The following ACYP2 variants were observed in gnomAD, a reference collection of about 807,000 sequenced individuals.
ACYP2 encodes acylphosphatase 2, also known as acylphosphatase-2.
Under a neutral mutation model 11.2 loss-of-function variants are expected in ACYP2, and 12 were observed. The observed-to-expected ratio is 1.08, with a 90% CI of 0.69 to 1.74. The LOEUF is 1.74. ACYP2 is among the 40% of genes most tolerant of loss of function. The probability of loss-of-function intolerance (pLI) is 0.00; values close to 1 mark genes in which losing one functional copy is unlikely to be tolerated. For missense variants in ACYP2, 134 were observed against 101.9 expected (o/e 1.31, Z -1.35); for synonymous variants, 43 against 32.2 (o/e 1.33, Z -1.13).
intron 3 of ACYP2, among the ~76,000 whole-genome samples, chr2:54,056,736 A>G (rs1027102403): frequency 1.1e-4 from 17 of 152,118 alleles, no homozygotes; most frequent in African/African-American, 3.4e-4. Flanking sequence ...CATGTTGTGT[A>G]TGTCATCTGT....
chr2:54,228,606 G>A (rs1686104336), intron 6 of ACYP2, among the ~76,000 whole-genome samples: 1 of 151,996 alleles, frequency 6.6e-6, no homozygotes, highest in Admixed American at 6.6e-5. Context: ...TTCATCAGTT[G>A]GTGTTAATGG....
At chr2:53,992,865 A>G (rs1672372040) in intron 2 of ACYP2, among the ~76,000 whole-genome samples, 1 of 151,826 alleles carries the variant, frequency 6.6e-6, no homozygotes, top group Admixed American at 6.6e-5. Flanking sequence ...AGTGACGGGA[A>G]GCAAAAGAAG....
intron 6 of ACYP2, among the ~76,000 whole-genome samples, chr2:54,236,642 A>T (rs1463447634): frequency 1.3e-5 from 2 of 152,194 alleles, no homozygotes; most frequent in Admixed American, 1.3e-4. Flanking sequence ...ATTTGAAGCC[A>T]ATGTGTATAT....
At chr2:53,992,913 G>A (rs1250582352) in intron 2 of ACYP2, among the ~76,000 whole-genome samples, 1 of 151,358 alleles carries the variant, frequency 6.6e-6, no homozygotes, top group Non-Finnish European at 1.5e-5. Context: ...CAGAAAAAAG[G>A]TTTTATGGCC....
In ACYP2 at chr2:54,200,349, T is replaced by G. The variant is rs150435639; in HGVS notation, c.404+61601T>G. 4.5e-4 allele frequency among the ~76,000 whole-genome samples: 69 copies of G among 152,278 alleles called. 1 individual carries two copies. The highest frequency in any genetic ancestry group is 1.6e-3 in the African/African-American group (68 of 41,558). ...TCATATACAAGGCTACTGTGAAGAT[T>G]AAATGAGATTATAGAGGAAATCCAA... On this transcript the variant is annotated intron_variant, in intron 6 of 6. Transcript: ENST00000607452.
chr2:54,215,020 T>G (rs1685499032), intron 6 of ACYP2, among the ~76,000 whole-genome samples: 1 of 152,196 alleles, frequency 6.6e-6, no homozygotes, highest in East Asian at 1.9e-4. Context: ...CTACTATGAA[T>G]AGAACTGCAA....
At chr2:54,292,669 T>TACACAC (rs3071218) in intron 6 of ACYP2, among the ~76,000 whole-genome samples, 6 of 148,976 alleles carry the variant, frequency 4.0e-5, no homozygotes, top group Non-Finnish European at 8.9e-5. Flanking sequence ...TATATATGTA[T>TACACAC]ACACACACAC....
intron 1 of ACYP2, chr2:53,971,363 T>A (rs1367480335): frequency 3.3e-5 from 5 of 152,272 alleles, no homozygotes; most frequent in African/African-American, 1.2e-4. Flanking sequence ...GGCTTCTGGG[T>A]TAGAGGGGTT....
At chr2:54,119,008 C>A (rs1273492287) in intron 4 of ACYP2, among the ~76,000 whole-genome samples, 1 of 146,332 alleles carries the variant, frequency 6.8e-6, no homozygotes, top group East Asian at 2.1e-4. Flanking sequence ...ACTTCTTTCC[C>A]AGTTATACAC....
intron 2 of ACYP2, among the ~76,000 whole-genome samples, chr2:54,010,532 A>G (rs1203013810): frequency 1.3e-5 from 2 of 151,926 alleles, no homozygotes; most frequent in African/African-American, 2.4e-5. Flanking sequence ...GGATTATTGT[A>G]CATTGTATGC....
intron 2 of ACYP2, among the ~76,000 whole-genome samples, chr2:54,001,263 A>G (rs1049358931): frequency 6.6e-6 from 1 of 152,184 alleles, no homozygotes; most frequent in African/African-American, 2.4e-5. Flanking sequence ...TGAGAGGCTA[A>G]GGTGGGAGGA....
chr2:54,069,026 A>G (rs1053429186), intron 4 of ACYP2, among the ~76,000 whole-genome samples: 1 of 152,076 alleles, frequency 6.6e-6, no homozygotes, highest in Non-Finnish European at 1.5e-5. Flanking sequence ...TCCTAGGCTC[A>G]AGCAAATCCT....
chr2:54,164,660 T>C lies in ACYP2; in HGVS notation c.404+25912T>C, dbSNP rs567424901. Among the ~76,000 whole-genome samples the C allele has an allele frequency of 7.9e-5, 12 of 152,348 alleles. No individual in the cohort carries two copies. In the East Asian group the frequency reaches 1.5e-3, roughly 20 times the overall value. On this transcript the variant is annotated intron_variant, in intron 6 of 6. Coordinates refer to ENST00000607452, the MANE Select transcript of ACYP2 (RefSeq NM_001320586.2). Reference sequence around the variant, plus strand: ...GGGTGTTTGGGACCACATTTGTCCTTTTGAGGTGCCTCTTGTGGCAAACAG... The same window carrying C: ...GGGTGTTTGGGACCACATTTGTCCTCTTGAGGTGCCTCTTGTGGCAAACAG...
At chr2:54,301,115 AAAGTTGCAAAT>A (rs1689708290) in intron 6 of ACYP2, among the ~76,000 whole-genome samples, 1 of 152,202 alleles carries the variant, frequency 6.6e-6, no homozygotes. Flanking sequence ...GTATAGTAAG[AAAGTTGCAAAT>A]AAGTTGTTTC....
intron 6 of ACYP2, among the ~76,000 whole-genome samples, chr2:54,242,050 G>T (rs945072565): frequency 1.3e-5 from 2 of 152,182 alleles, no homozygotes; most frequent in African/African-American, 4.8e-5. Flanking sequence ...AATAGCATAT[G>T]GGAGAAATTA....
At chr2:54,291,940 C>T (rs1689326186) in intron 6 of ACYP2, among the ~76,000 whole-genome samples, 1 of 152,200 alleles carries the variant, frequency 6.6e-6, no homozygotes, top group African/African-American at 2.4e-5. Flanking sequence ...GGGGTATGCA[C>T]TGGTGACTTC....
chr2:54,143,856 T>TA lies in ACYP2; in HGVS notation c.404+5112dup, dbSNP rs1347680292. On this transcript the variant is annotated intron_variant, in intron 6 of 6. Transcript: ENST00000607452. ...ATCCTTCTCTTCATTCTGGAATAAC[T>TA]AAAATATCAGAATTACTGTTCTTAG... Among the ~76,000 whole-genome samples, 16 of 150,294 alleles carry TA rather than the reference T, an allele frequency of 1.1e-4. No homozygotes were observed. In the East Asian group the frequency reaches 3.2e-3, roughly 30 times the overall value.
At chr2:54,263,892 A>G (rs1018594925) in intron 6 of ACYP2, among the ~76,000 whole-genome samples, 3 of 119,908 alleles carry the variant, frequency 2.5e-5, no homozygotes, top group African/African-American at 3.9e-5. Flanking sequence ...AGCCAGCTTC[A>G]GTCATCAAAT....
intron 4 of ACYP2, among the ~76,000 whole-genome samples, chr2:54,126,713 C>A (rs1312465922): frequency 6.6e-6 from 1 of 151,966 alleles, no homozygotes; most frequent in Non-Finnish European, 1.5e-5. Context: ...TTTGGGAGGC[C>A]TAGGCGGGCG....
Sources: allele counts gnomAD v4.1 joint callset (sites outside exome capture counted in the v4.1 genomes callset), GRCh38; gene constraint gnomAD v4.1.1; transcripts MANE v1.5; gene names NCBI Gene and HGNC (gene_info 2026-07-23, HGNC 2026-07-21).